MROH2A: variants seen among roughly 807,000 people sequenced by gnomAD.
The protein encoded by MROH2A is maestro heat like repeat family member 2A.
In MROH2A, 174 loss-of-function variants were observed where a neutral mutation model predicts 200.4. The observed-to-expected ratio is 0.87, with a 90% CI of 0.77 to 0.98. The LOEUF is 0.98. MROH2A is among the 50% of genes least tolerant of loss of function. MROH2A has a pLI of 0.00. For missense variants in MROH2A, 2,045 were observed against 2,139.6 expected, an observed-to-expected ratio of 0.96 and a Z score of 0.87; for synonymous variants, 829 against 840.4, an observed-to-expected ratio of 0.99 and a Z score of 0.23.
At chr2:233,792,560 A>G (rs371627426) in intron 5 of MROH2A, among the ~76,000 whole-genome samples, 117 of 151,958 alleles carry the variant, frequency 7.7e-4, no homozygotes, top group East Asian at 1.9e-3. Flanking sequence ...TGATCCGCCC[A>G]CCTTGGCCTC....
intron 14 of MROH2A, among the ~76,000 whole-genome samples, chr2:233,801,309 C>T (rs1431025686): frequency 6.7e-6 from 1 of 148,432 alleles, no homozygotes; most frequent in African/African-American, 2.5e-5. Context: ...TCACCTTCAA[C>T]TCCTAGGGGT....
chr2:233,832,456 C>A, intron 40 of MROH2A, 123 bp from the exon 41 acceptor site: 1 of 989,046 alleles, frequency 1.0e-6, no homozygotes, highest in Admixed American at 2.1e-5. Context: ...TTCCTCCCTG[C>A]CAACGTGGGC....
intron 1 of MROH2A, among the ~76,000 whole-genome samples, chr2:233,779,143 C>T (rs1370761411): frequency 1.3e-5 from 2 of 152,168 alleles, no homozygotes; most frequent in African/African-American, 4.8e-5. Flanking sequence ...GGAATGACAT[C>T]CCACCATCTT....
In MROH2A at chr2:233,793,836, C is replaced by T; in HGVS notation, c.822+12C>T. The T allele has an allele frequency of 2.2e-6, 3 of 1,391,154 alleles. No homozygotes were observed. The highest frequency in any genetic ancestry group is 1.9e-6 in the Non-Finnish European group (2 of 1,068,090). The allele number at this position is 1,391,154 out of a possible 1,614,324, so 86.2% of individuals were successfully genotyped here. On this transcript the variant is annotated intron_variant, in intron 7 of 41. Transcript: ENST00000389758. Reference sequence around the variant, plus strand: ...ACTACAACCCCGAGGTGAGATGCACCCCTCTTAGGAGGGCCTGGTGGTCCC... The same window carrying T: ...ACTACAACCCCGAGGTGAGATGCACTCCTCTTAGGAGGGCCTGGTGGTCCC...
intron 14 of MROH2A, among the ~76,000 whole-genome samples, chr2:233,800,714 T>G (rs1222797871): frequency 1.3e-5 from 2 of 152,176 alleles, no homozygotes; most frequent in Non-Finnish European, 2.9e-5. Context: ...CATTGAGTTC[T>G]AACTCTGTGA....
intron 3 of MROH2A, among the ~76,000 whole-genome samples, chr2:233,784,849 C>T (rs865965427): frequency 1.3e-5 from 2 of 152,126 alleles, no homozygotes; most frequent in African/African-American, 2.4e-5. Context: ...CAGACTAACA[C>T]GGGCTTTTAA....
chr2:233,800,222 G>A lies in MROH2A; in HGVS notation c.1467G>A (p.Lys489=), dbSNP rs11563246. 2 of 1,549,238 alleles carry A rather than the reference G, an allele frequency of 1.3e-6. No individual in the cohort carries two copies. The highest frequency in any genetic ancestry group is 3.9e-5 in the Admixed American group (2 of 50,754). Residue 489 remains lysine (K), a synonymous_variant, in exon 14 of 42, where the codon AAG becomes AAA. Transcript: ENST00000389758. Reference sequence around the variant, plus strand: ...TCTTCCAGACAAATCGCCGGGAGAAGTTTTATCAGAGGGACTTGGAGGAGA... The same window carrying A: ...TCTTCCAGACAAATCGCCGGGAGAAATTTTATCAGAGGGACTTGGAGGAGA... ...STYKLTNRRE[K]FYQRDLEERM...
At position 233,807,996 on chromosome 2, in the gene MROH2A, T is replaced by C; in HGVS notation, c.2295+141T>C. On this transcript the variant is annotated intron_variant, in intron 21 of 41. Coordinates refer to ENST00000389758, the MANE Select transcript of MROH2A (RefSeq NM_001394639.1). This position sits in a 1 kb window ranked among gnomAD's most constrained non-coding sequence, Gnocchi z 4.3. ...TGTCATCAAAATGGCTGAGACATTG[T>C]CTTACTCTGAGACCTCCTGGACAGA... The C allele has an allele frequency of 8.7e-7, 1 of 1,144,304 alleles. No individual in the cohort carries two copies. The highest frequency in any genetic ancestry group is 1.2e-6 in the Non-Finnish European group (1 of 806,616). 70.9% of individuals were successfully genotyped at this position (1,144,304 alleles called of 1,614,324 possible).
intron 12 of MROH2A, among the ~76,000 whole-genome samples, chr2:233,799,093 G>A (rs941899263): frequency 6.6e-6 from 1 of 152,196 alleles, no homozygotes; most frequent in Non-Finnish European, 1.5e-5. Flanking sequence ...GGACCCAACA[G>A]AGGCCGAGTA....
At chr2:233,800,367 G>T (rs1336575893) in intron 14 of MROH2A, 52 bp downstream of exon 14, 1 of 1,092,316 alleles carries the variant, frequency 9.2e-7, no homozygotes, top group Admixed American at 2.4e-5. Context: ...CAGGCTGGGG[G>T]TGAACCACAC....
intron 17 of MROH2A, 70 bp from the exon 18 acceptor site, chr2:233,804,425 G>A (rs1702664302): frequency 2.0e-6 from 3 of 1,507,450 alleles, no homozygotes; most frequent in Non-Finnish European, 2.7e-6. Flanking sequence ...GGCATAGAGG[G>A]CCTTGAATAC....
rs1702870580 is a variant in MROH2A at position 233,807,410 on chromosome 2, T to G, written c.2053-13T>G. 1 of 1,545,810 alleles carries G rather than the reference T, an allele frequency of 6.5e-7. No homozygotes were observed. The highest frequency in any genetic ancestry group is 1.4e-5 in the African/African-American group (1 of 72,970). ...GGGAGGCCTGAGCTCCTTCCTCCCT[T>G]CTGCCTCTCCAGGGCTTTCTGTACC... On this transcript the variant is annotated splice_polypyrimidine_tract_variant and intron_variant, in intron 19 of 41. Transcript: ENST00000389758. This position sits in a 1 kb window ranked among gnomAD's most constrained non-coding sequence, Gnocchi z 4.3.
intron 41 of MROH2A, among the ~76,000 whole-genome samples, 185 bp downstream of exon 41, chr2:233,832,829 G>T (rs1704874322): frequency 1.3e-5 from 2 of 152,164 alleles, no homozygotes; most frequent in South Asian, 4.1e-4. Context: ...CTATTGATGG[G>T]TGGAGTCCCT....
rs562457796 is a variant in MROH2A at position 233,792,735 on chromosome 2, T to C, written c.572-61T>C. 241 of 1,084,136 alleles carry C rather than the reference T, an allele frequency of 2.2e-4. 1 individual carries two copies. The South Asian group carries it at 3.1e-3, about 14-fold the overall frequency. The allele number at this position is 1,084,136 out of a possible 1,614,324, so 67.2% of individuals were successfully genotyped here. A position where few individuals can be genotyped will look rare whatever the true frequency, so the allele number is the denominator to read the frequency against. On this transcript the variant is annotated intron_variant, in intron 5 of 41. Coordinates refer to ENST00000389758, the MANE Select transcript of MROH2A (RefSeq NM_001394639.1). Reference sequence around the variant, plus strand: ...TGGAGGGCAGCAGGGTTGTCCTCTCTGCCTTCTCTCTGCTCACCCCCAGCC... The same window carrying C: ...TGGAGGGCAGCAGGGTTGTCCTCTCCGCCTTCTCTCTGCTCACCCCCAGCC...
chr2:233,794,218 C>G, intron 7 of MROH2A, 145 bp from the exon 8 acceptor site: 2 of 652,822 alleles, frequency 3.1e-6, no homozygotes, highest in Non-Finnish European at 5.4e-6. Flanking sequence ...GGACTCAAAC[C>G]CGGCCGCCTG....
intron 11 of MROH2A, among the ~76,000 whole-genome samples, chr2:233,797,644 T>A (rs1702202958): frequency 2.0e-5 from 3 of 152,172 alleles, no homozygotes; most frequent in Non-Finnish European, 4.4e-5. Context: ...TAAAAAGTGG[T>A]TATTTTTTAT....
chr2:233,811,209 C>T (rs995641348), intron 23 of MROH2A, among the ~76,000 whole-genome samples: 16 of 152,298 alleles, frequency 1.1e-4, no homozygotes, highest in Admixed American at 6.5e-4. Flanking sequence ...TTCCCTGGGC[C>T]GGCTTGGCTG....
intron 24 of MROH2A, 96 bp from the exon 25 acceptor site, chr2:233,813,574 T>C: frequency 1.4e-6 from 1 of 724,134 alleles, no homozygotes; most frequent in South Asian, 1.8e-5. Context: ...CCTCTTCCTC[T>C]TCTAGGATGT....
At chr2:233,780,128 GGAGA>G (rs1427503922) in intron 3 of MROH2A, among the ~76,000 whole-genome samples, 1 of 152,196 alleles carries the variant, frequency 6.6e-6, no homozygotes, top group Non-Finnish European at 1.5e-5. Context: ...AGTGGGCATG[GGAGA>G]GTAAAGATAC....
Sources: allele counts gnomAD v4.1 joint callset (sites outside exome capture counted in the v4.1 genomes callset), GRCh38; gene constraint gnomAD v4.1.1; non-coding constraint Gnocchi (gnomAD v3.1); transcripts MANE v1.5; gene names NCBI Gene and HGNC (gene_info 2026-07-23, HGNC 2026-07-21).